Variants in KIF26B observed in about 807,000 individuals in gnomAD.
KIF26B encodes the protein kinesin-like protein KIF26B.
In KIF26B, 63 loss-of-function variants were observed where a neutral mutation model predicts 151.2. The observed-to-expected ratio is 0.42, with a 90% CI of 0.34 to 0.51. KIF26B has a LOEUF of 0.51. Among genes scored for constraint, KIF26B ranks in the 20% least tolerant of loss-of-function variants. KIF26B has a pLI of 0.07. For missense variants in KIF26B, 2,813 were observed against 2,913.6 expected (o/e 0.97, Z 0.79); for synonymous variants, 1,357 against 1,262.1 (o/e 1.08, Z -1.59).
chr1:245,376,711 T>C (rs1014270936), intron 3 of KIF26B, among the ~76,000 whole-genome samples: 1 of 152,154 alleles, frequency 6.6e-6, no homozygotes, highest in African/African-American at 2.4e-5. Context: ...TTTTTGAGAC[T>C]GAGTCTTGCT....
intron 12 of KIF26B, among the ~76,000 whole-genome samples, chr1:245,689,086 C>T (rs3766648): frequency 0.58 from 87,606 of 152,048 alleles, 27,335 homozygotes; most frequent in Middle Eastern, 0.73. Flanking sequence ...TGCCCTACTG[C>T]GTGCCGTCAT....
At chr1:245,156,920 C>G (rs1353791789) in intron 2 of KIF26B, among the ~76,000 whole-genome samples, 1 of 152,200 alleles carries the variant, frequency 6.6e-6, no homozygotes, top group African/African-American at 2.4e-5. Context: ...AAGGGGCGCC[C>G]GTGGCCACAG....
Position 245,687,534 on chromosome 1 carries a change from G to T in KIF26B, c.4551G>T (p.Leu1517=), listed in dbSNP as rs1282809820. 3.8e-6 allele frequency: 6 copies of T among 1,568,668 alleles called. No homozygotes were observed. Among genetic ancestry groups the T allele is most frequent in the Non-Finnish European group, 5.2e-6 (6 of 1,157,210 alleles). ...RRVVDGCEMA[L]PGLATQSPVH... ...TCGTGGATGGGTGTGAGATGGCCCT[G>T]CCCGGTTTGGCCACCCAGAGCCCCG... Residue 1517 remains leucine, a synonymous_variant, in exon 12 of 15, where the codon CTG becomes CTT. Coordinates refer to ENST00000407071, the MANE Select transcript of KIF26B (RefSeq NM_018012.4). The surrounding 1 kb of genome is among the most constrained non-coding windows in gnomAD (Gnocchi z 4.9).
intron 4 of KIF26B, among the ~76,000 whole-genome samples, chr1:245,534,786 CTT>C (rs58406934): frequency 0.2 from 28,908 of 143,478 alleles, 3,268 homozygotes; most frequent in East Asian, 0.42. Context: ...TTTACCTTTT[CTT>C]TTTTTTTTTT....
intron 5 of KIF26B, among the ~76,000 whole-genome samples, chr1:245,574,335 G>A (rs1363127679): frequency 1.3e-5 from 2 of 152,096 alleles, no homozygotes; most frequent in Admixed American, 6.6e-5. Flanking sequence ...GTAGAGATGG[G>A]GTTTCACCTT....
intron 5 of KIF26B, among the ~76,000 whole-genome samples, chr1:245,583,682 G>A (rs570484089): frequency 1.3e-5 from 2 of 152,280 alleles, no homozygotes; most frequent in East Asian, 1.9e-4. Flanking sequence ...AATAAGATCC[G>A]TGGTACACGA....
chr1:245,276,934 AG>A (rs1167824831), intron 2 of KIF26B, among the ~76,000 whole-genome samples: 2 of 152,132 alleles, frequency 1.3e-5, no homozygotes, highest in Non-Finnish European at 2.9e-5. Flanking sequence ...AGATCTTCTT[AG>A]ATTAGGGTGG....
chr1:245,484,245 T>G (rs1660228482), intron 4 of KIF26B, among the ~76,000 whole-genome samples: 1 of 151,912 alleles, frequency 6.6e-6, no homozygotes, highest in Non-Finnish European at 1.5e-5. Flanking sequence ...GGCAGTATTC[T>G]AAATCTTAAT....
chr1:245,457,825 A>G (rs758634320), intron 4 of KIF26B, among the ~76,000 whole-genome samples: 11 of 152,196 alleles, frequency 7.2e-5, no homozygotes, highest in Non-Finnish European at 1.5e-4. Context: ...TCATTCCAGT[A>G]TTTTGCTCTT....
intron 3 of KIF26B, among the ~76,000 whole-genome samples, chr1:245,398,760 A>C (rs1313633808): frequency 6.6e-6 from 1 of 151,332 alleles, no homozygotes; most frequent in Non-Finnish European, 1.5e-5. Context: ...TAGAATTCTA[A>C]AATAAAATTT....
intron 4 of KIF26B, among the ~76,000 whole-genome samples, chr1:245,434,511 C>T (rs1290502719): frequency 2.0e-5 from 3 of 152,118 alleles, no homozygotes; most frequent in Non-Finnish European, 4.4e-5. Context: ...TACTGCTGGT[C>T]CCCCTCTTCC....
At chr1:245,234,204 G>GAA (rs1411318845) in intron 2 of KIF26B, among the ~76,000 whole-genome samples, 1 of 151,840 alleles carries the variant, frequency 6.6e-6, no homozygotes, top group African/African-American at 2.4e-5. Context: ...AGAAAGAAAA[G>GAA]AAAAAAGAAA....
At chr1:245,514,808 A>G (rs1016812363) in intron 4 of KIF26B, among the ~76,000 whole-genome samples, 11 of 152,108 alleles carry the variant, frequency 7.2e-5, no homozygotes, top group Admixed American at 5.9e-4. Flanking sequence ...CTTGACTTCT[A>G]TTCTCTCCAT....
At chr1:245,470,652 C>G (rs1013451100) in intron 4 of KIF26B, among the ~76,000 whole-genome samples, 33 of 151,950 alleles carry the variant, frequency 2.2e-4, no homozygotes, top group African/African-American at 6.0e-4. Flanking sequence ...GGATGGTCTC[C>G]ATCTCCTGAC....
chr1:245,559,747 T>C (rs995752594), intron 5 of KIF26B, among the ~76,000 whole-genome samples: 1 of 152,048 alleles, frequency 6.6e-6, no homozygotes, highest in Non-Finnish European at 1.5e-5. Context: ...GGTCTTACTA[T>C]GTTGCCCAGG....
At chr1:245,343,643 C>T (rs958215342) in intron 2 of KIF26B, among the ~76,000 whole-genome samples, 1 of 152,156 alleles carries the variant, frequency 6.6e-6, no homozygotes, top group Admixed American at 6.5e-5. Context: ...CGACTTCATT[C>T]GTGCCAGCCG....
chr1:245,693,404 TG>T (rs2044651694), intron 12 of KIF26B, among the ~76,000 whole-genome samples: 1 of 152,184 alleles, frequency 6.6e-6, no homozygotes, highest in Non-Finnish European at 1.5e-5. Context: ...AGGTTACTGT[TG>T]GATATTATTG....
intron 2 of KIF26B, among the ~76,000 whole-genome samples, chr1:245,287,427 T>C (rs750347222): frequency 9.2e-5 from 14 of 152,006 alleles, no homozygotes; most frequent in Non-Finnish European, 1.8e-4. Flanking sequence ...TTCTTCCAAA[T>C]TATTGGTCGG....
Position 245,488,700 on chromosome 1 carries a change from T to A in KIF26B, c.1167-52067T>A, listed in dbSNP as rs1572088270. Among the ~76,000 whole-genome samples, 1 of 152,038 alleles carries A rather than the reference T, an allele frequency of 6.6e-6. No homozygotes were observed. Among genetic ancestry groups the A allele is most frequent in the Non-Finnish European group, 1.5e-5 (1 of 68,018 alleles). On this transcript the variant is annotated intron_variant, in intron 4 of 14. Transcript: ENST00000407071. The surrounding 1 kb of genome is among the most constrained non-coding windows in gnomAD (Gnocchi z 4.6). ...TCCGGGTTGTAATGGAGACTTAGAG[T>A]TGAGTGAAGCATTTTAGCTTTAAGA...
Sources: gnomAD v4.1 joint callset for allele counts (sites outside exome capture counted in the v4.1 genomes callset) on GRCh38, gnomAD v4.1.1 for gene constraint, Gnocchi (gnomAD v3.1) non-coding constraint, MANE v1.5 for transcripts, NCBI Gene and HGNC (gene_info 2026-07-23, HGNC 2026-07-21) for gene names.